The following SLC2A9 variants were observed in gnomAD, a reference collection of about 807,000 sequenced individuals.
The protein encoded by SLC2A9 is solute carrier family 2 member 9, also known as solute carrier family 2, facilitated glucose transporter member 9.
SLC2A9 carries 39 observed loss-of-function variants against 50.6 expected under a neutral mutation model. The ratio of observed to expected loss-of-function variants is 0.77; its 90% CI spans 0.60 to 1.01. The LOEUF is 1.01. SLC2A9 is among the 50% of genes least tolerant of loss of function. The probability of loss-of-function intolerance (pLI) is 0.00; values close to 1 mark genes in which losing one functional copy is unlikely to be tolerated. For missense variants in SLC2A9, 686 were observed against 677.6 expected, an observed-to-expected ratio of 1.01 and a Z score of -0.14; for synonymous variants, 324 against 276.9, an observed-to-expected ratio of 1.17 and a Z score of -1.69.
chr4:9,835,871 G>A (rs566567001), intron 10 of SLC2A9, among the ~76,000 whole-genome samples: 2 of 152,234 alleles, frequency 1.3e-5, no homozygotes, highest in African/African-American at 4.8e-5. Flanking sequence ...TGGATTACAT[G>A]AGGTCAGGAG....
intron 5 of SLC2A9, among the ~76,000 whole-genome samples, chr4:9,970,255 A>G (rs1753678408): frequency 1.3e-5 from 2 of 152,190 alleles, no homozygotes; most frequent in African/African-American, 4.8e-5. Flanking sequence ...CCTAGACTCC[A>G]GTGGGGATGG....
At chr4:9,903,842 A>C (rs1420511060) in intron 8 of SLC2A9, among the ~76,000 whole-genome samples, 1 of 147,492 alleles carries the variant, frequency 6.8e-6, no homozygotes, top group Non-Finnish European at 1.5e-5. Context: ...TGTATATTAT[A>C]TAAATATATA....
At chr4:9,835,490 G>A (rs1405742424) in intron 10 of SLC2A9, among the ~76,000 whole-genome samples, 2 of 152,236 alleles carry the variant, frequency 1.3e-5, no homozygotes, top group Admixed American at 6.5e-5. Flanking sequence ...AGACAAGACA[G>A]AGTGGGTAAT....
chr4:9,903,775 A>G (rs1740099829), intron 8 of SLC2A9, among the ~76,000 whole-genome samples: 1 of 149,258 alleles, frequency 6.7e-6, no homozygotes, highest in Non-Finnish European at 1.5e-5. Context: ...AACTGTATAT[A>G]TATAAATATA....
At chr4:9,873,853 C>G (rs879891586) in intron 10 of SLC2A9, among the ~76,000 whole-genome samples, 1 of 152,220 alleles carries the variant, frequency 6.6e-6, no homozygotes. Flanking sequence ...CTAACCGATA[C>G]AAATTCCTTA....
chr4:9,813,833 C>G (rs1176803972), intron 3 of SLC2A9, among the ~76,000 whole-genome samples: 3 of 152,108 alleles, frequency 2.0e-5, no homozygotes. Flanking sequence ...ATGTGGCTCA[C>G]ACCTGTAATC....
intron 6 of SLC2A9, among the ~76,000 whole-genome samples, chr4:9,936,944 G>A (rs1747195843): frequency 6.6e-6 from 1 of 152,194 alleles, no homozygotes; most frequent in Non-Finnish European, 1.5e-5. Context: ...TCCCCAAGAA[G>A]CAGAGGAGAC....
At chr4:9,994,853 C>T (rs540771451) in intron 3 of SLC2A9, among the ~76,000 whole-genome samples, 2 of 152,114 alleles carry the variant, frequency 1.3e-5, no homozygotes, top group South Asian at 4.2e-4. Flanking sequence ...CAGGCCAGAT[C>T]CTGGGGCATG....
At chr4:9,971,574 T>C (rs1753916173) in intron 5 of SLC2A9, among the ~76,000 whole-genome samples, 1 of 152,180 alleles carries the variant, frequency 6.6e-6, no homozygotes, top group Non-Finnish European at 1.5e-5. Flanking sequence ...CACCTTCCAA[T>C]GTAGGACCAA....
chr4:9,920,595 A>T, intron 6 of SLC2A9, 23 bp from the exon 7 acceptor site: 2 of 1,613,916 alleles, frequency 1.2e-6, no homozygotes, highest in Non-Finnish European at 1.7e-6. Context: ...GCACACATGG[A>T]CTTTCAGCAG....
In SLC2A9 at chr4:9,936,386, G is replaced by A. The variant is rs116652724; in HGVS notation, c.814+5527C>T. Among the ~76,000 whole-genome samples, 881 of 152,256 alleles carry A rather than the reference G, an allele frequency of 5.8e-3. 1 individual carries two copies. The highest frequency in any genetic ancestry group is 0.02 in the African/African-American group (822 of 41,540). On this transcript the variant is annotated intron_variant, in intron 6 of 11. Coordinates refer to ENST00000264784, the MANE Select transcript of SLC2A9 (RefSeq NM_020041.3). The stretch of plus-strand genomic sequence containing the variant: ...CACACAGCTGTGGTATGGGGAAGAC[G>A]GGGCTGGACCCCAGCTCTGCTAACT...
chr4:9,985,355 A>G (rs773571215), intron 4 of SLC2A9, among the ~76,000 whole-genome samples: 1 of 152,094 alleles, frequency 6.6e-6, no homozygotes, highest in Non-Finnish European at 1.5e-5. Flanking sequence ...GAAAACCACA[A>G]ATAACCTTGG....
chr4:10,008,277 C>T (rs1761140490), intron 2 of SLC2A9, among the ~76,000 whole-genome samples: 2 of 152,228 alleles, frequency 1.3e-5, no homozygotes, highest in African/African-American at 4.8e-5. Context: ...TCGCTGGGAC[C>T]TCCAGGGCAT....
intron 1 of SLC2A9, chr4:10,029,425 A>G (rs1763859360): frequency 6.6e-6 from 1 of 152,146 alleles, no homozygotes; most frequent in Admixed American, 6.5e-5. Flanking sequence ...AGCCTTAGCT[A>G]TCCTTTTTAC....
chr4:9,932,982 G>A (rs1746418953), intron 6 of SLC2A9, among the ~76,000 whole-genome samples: 1 of 152,184 alleles, frequency 6.6e-6, no homozygotes. Context: ...TGGTTCCCAC[G>A]TCATCTGTGC....
intron 10 of SLC2A9, among the ~76,000 whole-genome samples, chr4:9,836,839 G>A (rs945845700): frequency 1.2e-4 from 19 of 152,162 alleles, no homozygotes; most frequent in African/African-American, 3.9e-4. Flanking sequence ...CTCAGATCAC[G>A]GCAGGTGAGA....
chr4:9,777,607 A>G (rs1180960052), downstream of SLC2A9, among the ~76,000 whole-genome samples: 3 of 152,144 alleles, frequency 2.0e-5, no homozygotes, highest in African/African-American at 7.2e-5. Flanking sequence ...CTGTGCATTG[A>G]TTTCATGGTG....
intron 10 of SLC2A9, chr4:9,880,095 C>A: frequency 1.0e-6 from 1 of 985,446 alleles, no homozygotes; most frequent in Non-Finnish European, 1.2e-6. Flanking sequence ...ATCTTCCTGC[C>A]ACACTTTCCC....
intron 10 of SLC2A9, among the ~76,000 whole-genome samples, chr4:9,883,005 T>C (rs765669812): frequency 2.0e-5 from 3 of 152,188 alleles, no homozygotes; most frequent in Non-Finnish European, 2.9e-5. Flanking sequence ...AAAAATTATC[T>C]GAATATAAAA....
Sources: gnomAD v4.1 joint callset for allele counts (sites outside exome capture counted in the v4.1 genomes callset) on GRCh38, gnomAD v4.1.1 for gene constraint, MANE v1.5 for transcripts, NCBI Gene and HGNC (gene_info 2026-07-23, HGNC 2026-07-21) for gene names.